The following KIF6 variants were observed in gnomAD, a reference collection of about 807,000 sequenced individuals.
KIF6 encodes kinesin family member 6, also known as kinesin-like protein KIF6.
In KIF6, 106 loss-of-function variants were observed where a neutral mutation model predicts 112.7. The ratio of observed to expected loss-of-function variants is 0.94; its 90% CI spans 0.80 to 1.11. The LOEUF (loss-of-function observed/expected upper bound fraction) is 1.11. KIF6 is among the 50% of genes least tolerant of loss of function. The pLI, the probability that KIF6 is intolerant of heterozygous loss-of-function variation, is 0.00. For missense variants in KIF6, 929 were observed against 964.0 expected, an observed-to-expected ratio of 0.96 and a Z score of 0.48; for synonymous variants, 339 against 339.9, an observed-to-expected ratio of 1.00 and a Z score of 0.03.
At chr6:39,626,349 T>A (rs997303245) in intron 5 of KIF6, among the ~76,000 whole-genome samples, 1 of 152,126 alleles carries the variant, frequency 6.6e-6, no homozygotes, top group Non-Finnish European at 1.5e-5. Flanking sequence ...CTGACACAAG[T>A]GGCTCCAGAG....
At chr6:39,465,208 C>G (rs993346807) in intron 13 of KIF6, among the ~76,000 whole-genome samples, 1 of 152,214 alleles carries the variant, frequency 6.6e-6, no homozygotes, top group Non-Finnish European at 1.5e-5. Context: ...TGCAGCATCA[C>G]TGGCCATAAG....
chr6:39,343,959 C>T lies in KIF6; in HGVS notation c.2322-144G>A, dbSNP rs1763510892. 7 of 559,236 alleles carry T rather than the reference C, an allele frequency of 1.3e-5. No individual in the cohort carries two copies. The Admixed American group carries it at 2.1e-4, about 17-fold the overall frequency. The allele number at this position is 559,236 out of a possible 1,614,324, so 34.6% of individuals were successfully genotyped here. Reference sequence around the variant, plus strand: ...CTGGCCTGCTTCTCACTCCCTCCTACCTTCTCTGTGTGGCAGCCACACTAA... The same window carrying T: ...CTGGCCTGCTTCTCACTCCCTCCTATCTTCTCTGTGTGGCAGCCACACTAA... On this transcript the variant is annotated intron_variant, in intron 21 of 22. Transcript: ENST00000287152. The surrounding 1 kb of genome is among the most constrained non-coding windows in gnomAD (Gnocchi z 4.1).
At chr6:39,451,111 A>C (rs1031099946) in intron 13 of KIF6, among the ~76,000 whole-genome samples, 7 of 152,142 alleles carry the variant, frequency 4.6e-5, no homozygotes, top group Admixed American at 3.9e-4. Context: ...TTGGTGCATT[A>C]ATAAATTAAT....
chr6:39,689,411 G>A (rs928533306), intron 3 of KIF6, among the ~76,000 whole-genome samples: 1 of 151,748 alleles, frequency 6.6e-6, no homozygotes, highest in Non-Finnish European at 1.5e-5. Flanking sequence ...TGGGAGGATC[G>A]CCTGAGCGTG....
At chr6:39,450,801 T>A (rs9349120) in intron 13 of KIF6, among the ~76,000 whole-genome samples, 8,433 of 152,282 alleles carry the variant, frequency 0.055, 449 homozygotes, top group East Asian at 0.25. Context: ...TGAGATGCTG[T>A]TTCAAAACAT....
chr6:39,580,313 G>A (rs1781213253), intron 9 of KIF6, among the ~76,000 whole-genome samples: 1 of 151,864 alleles, frequency 6.6e-6, no homozygotes, highest in Admixed American at 6.6e-5. Flanking sequence ...ATATAGGAAG[G>A]CAACTCATTT....
chr6:39,496,823 T>G (rs1775811194), intron 13 of KIF6, among the ~76,000 whole-genome samples: 1 of 152,278 alleles, frequency 6.6e-6, no homozygotes, highest in African/African-American at 2.4e-5. Context: ...GAACTCATCT[T>G]TATATTTTCA....
chr6:39,559,628 A>G (rs1196313598), intron 10 of KIF6, among the ~76,000 whole-genome samples: 2 of 152,206 alleles, frequency 1.3e-5, no homozygotes, highest in Non-Finnish European at 2.9e-5. Context: ...CATTGCATAT[A>G]GGGAGAGTCT....
chr6:39,349,336 T>C (rs957787272), intron 19 of KIF6, among the ~76,000 whole-genome samples: 3 of 152,028 alleles, frequency 2.0e-5, no homozygotes, highest in African/African-American at 7.3e-5. Flanking sequence ...ATGGACTCTC[T>C]CGGAGATGCC....
chr6:39,532,561 G>T (rs1292899312), intron 13 of KIF6, among the ~76,000 whole-genome samples: 1 of 152,138 alleles, frequency 6.6e-6, no homozygotes, highest in Non-Finnish European at 1.5e-5. Context: ...CAGCAAGTTT[G>T]GTTTCCTGGG....
chr6:39,725,175 C>T, intron 1 of KIF6, 70 bp downstream of exon 1: 2 of 1,385,182 alleles, frequency 1.4e-6, no homozygotes, highest in East Asian at 2.5e-5. Flanking sequence ...CCAGCCCCTT[C>T]GCGTGCCGCC....
chr6:39,611,177 G>A (rs751675077), intron 6 of KIF6, among the ~76,000 whole-genome samples: 1 of 152,052 alleles, frequency 6.6e-6, no homozygotes, highest in Non-Finnish European at 1.5e-5. Context: ...GTGTGGTGGC[G>A]CATGACTGCA....
At chr6:39,698,876 T>C (rs1175082772) in intron 3 of KIF6, among the ~76,000 whole-genome samples, 1 of 152,228 alleles carries the variant, frequency 6.6e-6, no homozygotes, top group African/African-American at 2.4e-5. Flanking sequence ...TTTCATTAAT[T>C]AAAATCAATG....
chr6:39,535,129 A>C (rs1202532902), intron 13 of KIF6, among the ~76,000 whole-genome samples: 5 of 152,194 alleles, frequency 3.3e-5, no homozygotes, highest in African/African-American at 7.2e-5. Context: ...TAAAGACCAT[A>C]GAGACTAGGA....
intron 15 of KIF6, among the ~76,000 whole-genome samples, chr6:39,408,067 T>C (rs1769212468): frequency 2.0e-5 from 3 of 152,124 alleles, no homozygotes; most frequent in Admixed American, 6.5e-5. Context: ...CTCCTACAAC[T>C]CAGAAAGAGA....
intron 13 of KIF6, among the ~76,000 whole-genome samples, chr6:39,512,599 C>G (rs1376536020): frequency 6.6e-6 from 1 of 152,190 alleles, no homozygotes; most frequent in African/African-American, 2.4e-5. Context: ...TTCCCTTACT[C>G]CCTCTATGCT....
At chr6:39,697,714 T>C (rs961813818) in intron 3 of KIF6, among the ~76,000 whole-genome samples, 1 of 151,922 alleles carries the variant, frequency 6.6e-6, no homozygotes, top group African/African-American at 2.4e-5. Flanking sequence ...GGCTAATCTT[T>C]TTTTTGTATT....
intron 18 of KIF6, among the ~76,000 whole-genome samples, chr6:39,359,563 T>C (rs1562129210): frequency 6.6e-6 from 1 of 151,994 alleles, no homozygotes; most frequent in Non-Finnish European, 1.5e-5. Flanking sequence ...TTGCGATACT[T>C]GAACAGCTAT....
rs1766661590 is a variant in KIF6 at position 39,378,690 on chromosome 6, C to G, written c.1861+6932G>C. On this transcript the variant is annotated intron_variant, in intron 16 of 22. Transcript: ENST00000287152. The surrounding 1 kb of genome is among the most constrained non-coding windows in gnomAD (Gnocchi z 5.0). ...CCTCTCACCTGACACATTTCACATGCTGCTTGGTAGTGTGATGTATCTTTT... is the reference window on the plus strand; with the variant it reads ...CCTCTCACCTGACACATTTCACATGGTGCTTGGTAGTGTGATGTATCTTTT... 6.6e-6 allele frequency among the ~76,000 whole-genome samples: 1 copy of G among 152,232 alleles called. No homozygotes were observed. The highest frequency in any genetic ancestry group is 1.5e-5 in the Non-Finnish European group (1 of 68,036).
Sources: allele counts gnomAD v4.1 joint callset (sites outside exome capture counted in the v4.1 genomes callset), GRCh38; gene constraint gnomAD v4.1.1; non-coding constraint Gnocchi (gnomAD v3.1); transcripts MANE v1.5; gene names NCBI Gene and HGNC (gene_info 2026-07-23, HGNC 2026-07-21).